EXOC6B: variants seen among roughly 807,000 people sequenced by gnomAD.
The protein encoded by EXOC6B is exocyst complex component 6B, also known as SEC15 homolog B.
In EXOC6B, 54 loss-of-function variants were observed where a neutral mutation model predicts 113.5. The ratio of observed to expected loss-of-function variants is 0.48; its 90% confidence interval spans 0.38 to 0.60. The LOEUF (loss-of-function observed/expected upper bound fraction) is 0.60, where lower values mean the gene tolerates loss of function less well. Among genes scored for constraint, EXOC6B ranks in the 20% least tolerant of loss-of-function variants. The pLI is 0.00. For synonymous variants in EXOC6B, 357 were observed against 339.0 expected (o/e 1.05, Z -0.58); for missense variants, 797 against 977.5 (o/e 0.82, Z 2.46).
chr2:72,234,635 T>C (rs1434740592), intron 20 of EXOC6B, among the ~76,000 whole-genome samples: 1 of 152,108 alleles, frequency 6.6e-6, no homozygotes, highest in East Asian at 1.9e-4. Flanking sequence ...CAACCTAGAA[T>C]GGGAGAGAAT....
chr2:72,593,903 A>G (rs1318964577), intron 6 of EXOC6B, among the ~76,000 whole-genome samples: 2 of 152,232 alleles, frequency 1.3e-5, no homozygotes, highest in African/African-American at 4.8e-5. Flanking sequence ...ACATGTAGAT[A>G]AAAACCTTCC....
intron 6 of EXOC6B, among the ~76,000 whole-genome samples, chr2:72,633,995 G>A (rs943406949): frequency 3.9e-5 from 6 of 151,930 alleles, no homozygotes; most frequent in African/African-American, 1.5e-4. Context: ...AAAATAAATA[G>A]GAGAGTAGGA....
intron 8 of EXOC6B, among the ~76,000 whole-genome samples, chr2:72,520,354 T>G (rs1701422396): frequency 6.6e-6 from 1 of 152,248 alleles, no homozygotes; most frequent in Admixed American, 6.5e-5. Context: ...CCTCATGTAA[T>G]TTTTCGATCT....
intron 6 of EXOC6B, among the ~76,000 whole-genome samples, chr2:72,675,448 A>C (rs1213133536): frequency 1.3e-5 from 2 of 152,216 alleles, no homozygotes; most frequent in Non-Finnish European, 2.9e-5. Context: ...AGATCCCCTG[A>C]CGCAGTTTCA....
chr2:72,585,333 C>T (rs1705489975), intron 6 of EXOC6B, among the ~76,000 whole-genome samples: 1 of 152,188 alleles, frequency 6.6e-6, no homozygotes, highest in Non-Finnish European at 1.5e-5. Context: ...TGCAGTGGCT[C>T]ATGCCTGTAA....
intron 18 of EXOC6B, among the ~76,000 whole-genome samples, chr2:72,428,168 A>T (rs538935063): frequency 1.3e-5 from 2 of 152,310 alleles, no homozygotes; most frequent in African/African-American, 2.4e-5. Context: ...TCCTGGTCAC[A>T]GGACAAGAAC....
intron 19 of EXOC6B, among the ~76,000 whole-genome samples, chr2:72,353,349 G>GTTGTA (rs371125530): frequency 0.013 from 1,898 of 142,340 alleles, 27 homozygotes; most frequent in East Asian, 0.021. Context: ...TTTATATTTT[G>GTTGTA]TTGTATTGTA....
At chr2:72,267,328 T>C (rs1684184476) in intron 20 of EXOC6B, among the ~76,000 whole-genome samples, 1 of 152,204 alleles carries the variant, frequency 6.6e-6, no homozygotes, top group African/African-American at 2.4e-5. Context: ...CGTCTCTGTC[T>C]TGTGCCAGTT....
chr2:72,550,322 CAAAA>C (rs1214817229), intron 8 of EXOC6B, among the ~76,000 whole-genome samples: 2 of 152,074 alleles, frequency 1.3e-5, no homozygotes, highest in Admixed American at 1.3e-4. Context: ...ATTACAGCCC[CAAAA>C]AGGCTATGAA....
chr2:72,358,188 AC>A (rs1024738492), intron 19 of EXOC6B, among the ~76,000 whole-genome samples: 54 of 152,278 alleles, frequency 3.5e-4, no homozygotes, highest in African/African-American at 1.3e-3. Context: ...ATGTTCTGTC[AC>A]CTGTAAAGCA....
chr2:72,354,806 C>T (rs776516706), intron 19 of EXOC6B, among the ~76,000 whole-genome samples: 11 of 152,284 alleles, frequency 7.2e-5, no homozygotes, highest in South Asian at 2.1e-4. Context: ...AGCACAGCAC[C>T]GAGCAAGGAC....
At chr2:72,632,525 G>T (rs1672538712) in intron 6 of EXOC6B, among the ~76,000 whole-genome samples, 1 of 151,864 alleles carries the variant, frequency 6.6e-6, no homozygotes, top group African/African-American at 2.4e-5. Context: ...TTTAAAACCT[G>T]GAAATAATAT....
intron 8 of EXOC6B, among the ~76,000 whole-genome samples, chr2:72,547,998 A>T (rs1404787260): frequency 6.6e-6 from 1 of 152,118 alleles, no homozygotes; most frequent in East Asian, 1.9e-4. Context: ...ACCATATAAA[A>T]TTTTTTAAAT....
chr2:72,614,345 G>T (rs1671261094), intron 6 of EXOC6B, among the ~76,000 whole-genome samples: 1 of 152,122 alleles, frequency 6.6e-6, no homozygotes, highest in African/African-American at 2.4e-5. Context: ...TGAAACAGGG[G>T]CAGGGCAGGG....
At chr2:72,228,225 A>G (rs1681365869) in intron 20 of EXOC6B, among the ~76,000 whole-genome samples, 1 of 152,182 alleles carries the variant, frequency 6.6e-6, no homozygotes, top group Non-Finnish European at 1.5e-5. Context: ...CAGGGAAATG[A>G]GTAAAATGGG....
At chr2:72,715,892 A>G (rs987639594) in intron 6 of EXOC6B, among the ~76,000 whole-genome samples, 1 of 152,158 alleles carries the variant, frequency 6.6e-6, no homozygotes. Context: ...TAGTGACTAC[A>G]TGGGCCATTG....
intron 6 of EXOC6B, among the ~76,000 whole-genome samples, chr2:72,668,068 C>G (rs1164188335): frequency 1.3e-5 from 2 of 152,212 alleles, no homozygotes; most frequent in Non-Finnish European, 2.9e-5. Flanking sequence ...TGAACAGACA[C>G]TTCTCAAAAG....
chr2:72,655,429 A>G (rs1360974125), intron 6 of EXOC6B, among the ~76,000 whole-genome samples: 2 of 152,084 alleles, frequency 1.3e-5, no homozygotes, highest in Non-Finnish European at 2.9e-5. Flanking sequence ...AGGAAGATAC[A>G]TTCTGAAGAG....
intron 6 of EXOC6B, among the ~76,000 whole-genome samples, chr2:72,651,827 G>T (rs949729266): frequency 6.6e-6 from 1 of 152,056 alleles, no homozygotes; most frequent in Non-Finnish European, 1.5e-5. Context: ...ATTATCCAGG[G>T]TGGTCTCGAT....
Sources: gnomAD v4.1 joint callset for allele counts (sites outside exome capture counted in the v4.1 genomes callset) on GRCh38, gnomAD v4.1.1 for gene constraint, MANE v1.5 for transcripts, NCBI Gene and HGNC (gene_info 2026-07-23, HGNC 2026-07-21) for gene names.